The following KLF12 variants were observed in gnomAD, a reference collection of about 807,000 sequenced individuals.
KLF12 encodes the protein Krueppel-like factor 12.
Under a neutral mutation model 37.8 loss-of-function variants are expected in KLF12, and 9 were observed. The ratio of observed to expected loss-of-function variants is 0.24; its 90% CI spans 0.14 to 0.42. KLF12 has a LOEUF of 0.42. KLF12 is among the 10% of genes least tolerant of loss of function. The pLI, the probability that KLF12 is intolerant of heterozygous loss-of-function variation, is 1.00. For synonymous variants in KLF12, 208 were observed against 202.1 expected, an observed-to-expected ratio of 1.03 and a Z score of -0.25; for missense variants, 411 against 516.0, an observed-to-expected ratio of 0.80 and a Z score of 1.97.
At chr13:73,855,946 A>G (rs940647540) in intron 3 of KLF12, among the ~76,000 whole-genome samples, 1 of 152,248 alleles carries the variant, frequency 6.6e-6, no homozygotes, top group Non-Finnish European at 1.5e-5. Context: ...AAAGGAGTAT[A>G]CAGTCATACA....
At chr13:74,106,451 T>C (rs1017263686) in intron 1 of KLF12, among the ~76,000 whole-genome samples, 9 of 152,314 alleles carry the variant, frequency 5.9e-5, no homozygotes, top group South Asian at 2.1e-4. Flanking sequence ...CTGGGGAACT[T>C]TGTAACTGAA....
At chr13:74,149,168 T>C in the KLF12 span, among the ~76,000 whole-genome samples, 3 of 152,306 alleles carry the variant, frequency 2.0e-5, no homozygotes, top group African/African-American at 7.2e-5. Context: ...TCTCAATCAG[T>C]CTTGATAGAC....
At chr13:73,786,762 A>C (rs1490898197) in intron 5 of KLF12, among the ~76,000 whole-genome samples, 2 of 150,832 alleles carry the variant, frequency 1.3e-5, no homozygotes, top group Non-Finnish European at 3.0e-5. Flanking sequence ...AAATACAAAA[A>C]AAAAAAAAAA....
chr13:74,089,734 G>GA (rs35019675), intron 1 of KLF12, among the ~76,000 whole-genome samples: 15,945 of 105,464 alleles, frequency 0.15, 1,538 homozygotes, highest in African/African-American at 0.31. Flanking sequence ...ACCATTTATT[G>GA]AAAAAAAAAA....
At chr13:74,190,773 C>T in the KLF12 span, among the ~76,000 whole-genome samples, 6 of 152,156 alleles carry the variant, frequency 3.9e-5, no homozygotes, top group Admixed American at 2.0e-4. Context: ...TTATTATTTA[C>T]ATTTTCCTGA....
intron 1 of KLF12, among the ~76,000 whole-genome samples, chr13:74,079,815 G>A (rs1219841626): frequency 6.6e-6 from 1 of 152,206 alleles, no homozygotes; most frequent in African/African-American, 2.4e-5. Flanking sequence ...AAGAAAAACA[G>A]TATGGCGGTT....
At chr13:73,872,576 G>A (rs1051069489) in intron 3 of KLF12, among the ~76,000 whole-genome samples, 1 of 152,154 alleles carries the variant, frequency 6.6e-6, no homozygotes. Flanking sequence ...ACTTGGGTAA[G>A]ACTCCACTAA....
rs1282097777 is a variant in KLF12 at position 73,818,138 on chromosome 13, C to CTTATTTATTTATTTATTTAT, written c.671-4852_671-4851insATAAATAAATAAATAAATAA. 2.5e-3 allele frequency among the ~76,000 whole-genome samples: 376 copies of CTTATTTATTTATTTATTTAT among 149,892 alleles called. 3 individuals are homozygous for CTTATTTATTTATTTATTTAT. Among genetic ancestry groups the CTTATTTATTTATTTATTTAT allele is most frequent in the African/African-American group, 8.8e-3 (347 of 39,322 alleles). ...GGCCATTTAGTTATGATGAACAACA[C>CTTATTTATTTATTTATTTAT]TTATTTATTTTTATTTATTTATTTT... On this transcript the variant is annotated intron_variant, in intron 4 of 7. Transcript: ENST00000377669.
chr13:73,830,942 G>A (rs1189103618), intron 4 of KLF12, among the ~76,000 whole-genome samples: 3 of 149,916 alleles, frequency 2.0e-5, no homozygotes, highest in Non-Finnish European at 4.4e-5. Flanking sequence ...ACATGATACA[G>A]TACTATAATA....
chr13:74,150,603 T>G, the KLF12 span, among the ~76,000 whole-genome samples: 1 of 152,234 alleles, frequency 6.6e-6, no homozygotes, highest in Non-Finnish European at 1.5e-5. Flanking sequence ...TTTTCTTTCC[T>G]TTTTATTGAT....
intron 3 of KLF12, among the ~76,000 whole-genome samples, chr13:73,894,326 A>G (rs903300190): frequency 6.6e-6 from 1 of 152,190 alleles, no homozygotes; most frequent in South Asian, 2.1e-4. Context: ...TACTTGGGAC[A>G]CCACATTCAC....
chr13:74,011,003 A>G (rs1892536124), intron 1 of KLF12, among the ~76,000 whole-genome samples: 2 of 152,196 alleles, frequency 1.3e-5, no homozygotes, highest in Admixed American at 1.3e-4. Flanking sequence ...AATCTATTCC[A>G]GAATTAGACT....
chr13:74,174,000 A>C, the KLF12 span, among the ~76,000 whole-genome samples: 1 of 152,146 alleles, frequency 6.6e-6, no homozygotes, highest in African/African-American at 2.4e-5. Flanking sequence ...TGGGCTAATA[A>C]CACAGCCAAC....
intron 4 of KLF12, among the ~76,000 whole-genome samples, chr13:73,839,260 T>A (rs954679102): frequency 7.7e-6 from 1 of 130,246 alleles, no homozygotes; most frequent in Non-Finnish European, 1.6e-5. Flanking sequence ...ACCTGGTTAT[T>A]TTTTTTTTTT....
At position 73,715,544 on chromosome 13, in the gene KLF12, G is replaced by A. The variant is rs767926599; in HGVS notation, c.870-19C>T. 6.8e-6 allele frequency: 11 copies of A among 1,611,628 alleles called. No homozygotes were observed. The Admixed American group carries it at 1.2e-4, about 17-fold the overall frequency. On this transcript the variant is annotated intron_variant, in intron 6 of 7. Coordinates refer to ENST00000377669, the MANE Select transcript of KLF12 (RefSeq NM_007249.5). Reference sequence around the variant, plus strand: ...AATTGAACTGGAAAAAGAAAAAGTGGAGTTACACGGTGAGATGCACACCGC... The same window carrying A: ...AATTGAACTGGAAAAAGAAAAAGTGAAGTTACACGGTGAGATGCACACCGC...
At chr13:73,927,841 G>T (rs1889470475) in intron 3 of KLF12, among the ~76,000 whole-genome samples, 1 of 142,902 alleles carries the variant, frequency 7.0e-6, no homozygotes, top group Non-Finnish European at 1.5e-5. Context: ...GCCTGCCTCG[G>T]CCTCCCAAAG....
intron 3 of KLF12, among the ~76,000 whole-genome samples, chr13:73,882,617 C>T (rs1185102953): frequency 2.0e-5 from 3 of 151,838 alleles, no homozygotes; most frequent in Non-Finnish European, 4.4e-5. Flanking sequence ...TTTGTATTAC[C>T]AACAAAAGAA....
intron 3 of KLF12, among the ~76,000 whole-genome samples, chr13:73,942,249 T>C (rs1220648117): frequency 6.6e-6 from 1 of 152,058 alleles, no homozygotes; most frequent in Non-Finnish European, 1.5e-5. Context: ...TTTGCTATAG[T>C]TTTTGCCTTC....
In KLF12 at chr13:73,990,861, T is replaced by C. The variant is rs1176444920; in HGVS notation, c.33+4129A>G. Among the ~76,000 whole-genome samples the C allele has an allele frequency of 1.3e-5, 2 of 152,164 alleles. 1 individual carries two copies. The highest frequency in any genetic ancestry group is 4.8e-5 in the African/African-American group (2 of 41,442). On this transcript the variant is annotated intron_variant, in intron 2 of 7. Coordinates refer to ENST00000377669, the MANE Select transcript of KLF12 (RefSeq NM_007249.5). ...GATGCAAGGTATAAATATGATCTTA[T>C]TTTTAAAAAACCGTTTCTAATTATT...
Sources: allele counts gnomAD v4.1 joint callset (sites outside exome capture counted in the v4.1 genomes callset), GRCh38; gene constraint gnomAD v4.1.1; transcripts MANE v1.5; gene names NCBI Gene and HGNC (gene_info 2026-07-23, HGNC 2026-07-21).